The following TREM1 variants were observed in gnomAD, a reference collection of about 807,000 sequenced individuals.
The protein encoded by TREM1 is triggering receptor expressed on myeloid cells 1, also known as triggering receptor expressed on monocytes 1.
A neutral mutation model predicts 22.4 loss-of-function variants in TREM1; 16 were observed. The observed-to-expected ratio is 0.71, with a 90% CI of 0.48 to 1.08. The LOEUF is 1.08. Ranked by LOEUF, TREM1 falls within the 50% of genes least tolerant of loss-of-function variation. The pLI, the probability that TREM1 is intolerant of heterozygous loss-of-function variation, is 0.00. For synonymous variants in TREM1, 110 were observed against 111.6 expected (o/e 0.99, Z 0.09); for missense variants, 283 against 282.9 (o/e 1.00, Z 0.00).
rs1020626040 is a variant in TREM1 at position 41,273,870 on chromosome 6, G to C, written c.*2255C>G. Among the ~76,000 whole-genome samples the C allele has an allele frequency of 8.5e-5, 13 of 152,184 alleles. No homozygotes were observed. The highest frequency in any genetic ancestry group is 1.6e-4 in the Non-Finnish European group (11 of 68,036). On this transcript the variant is annotated 3_prime_UTR_variant, in exon 4 of 4. Transcript: ENST00000244709. Reference sequence around the variant, plus strand: ...TGAGGACAGAAACCCTGATCTGACTGTCTCCCCACCCTCGGCTCTCCTCTC... The same window carrying C: ...TGAGGACAGAAACCCTGATCTGACTCTCTCCCCACCCTCGGCTCTCCTCTC...
At chr6:41,280,477 C>T in intron 3 of TREM1, 1 of 1,012,366 alleles carries the variant, frequency 9.9e-7, no homozygotes, top group Non-Finnish European at 1.2e-6. Flanking sequence ...GCTCCAGCTC[C>T]TGCTGAGAGT....
Position 41,281,157 on chromosome 6 carries a change from CAAG to C in TREM1, c.407-7_407-5del, listed in dbSNP as rs1434951645. The C allele has an allele frequency of 1.2e-6, 2 of 1,612,082 alleles. No individual in the cohort carries two copies. The highest frequency in any genetic ancestry group is 2.7e-5 in the African/African-American group (2 of 74,820). On this transcript the variant is annotated splice_polypyrimidine_tract_variant and splice_region_variant and intron_variant, in intron 2 of 3. Transcript: ENST00000244709. The stretch of plus-strand genomic sequence containing the variant: ...GAGCCAGGGGTCCCTGAAAAACCTG[CAAG>C]AAGACACATTGGATGGATGGATGGA...
rs1581623492 is a variant in TREM1 at position 41,274,516 on chromosome 6, G to A, written c.*1609C>T. Among the ~76,000 whole-genome samples, 2 of 152,082 alleles carry A rather than the reference G, an allele frequency of 1.3e-5. No homozygotes were observed. The highest frequency in any genetic ancestry group is 2.1e-4 in the South Asian group (1 of 4,826). On this transcript the variant is annotated 3_prime_UTR_variant, in exon 4 of 4. Transcript: ENST00000244709. ...AGCATTATTATAAACACTGCATCCT[G>A]TACAGTCACTGCCTCTGAGCTGCTT...
chr6:41,280,434 A>G (rs755747065), intron 3 of TREM1: 9 of 992,902 alleles, frequency 9.1e-6, no homozygotes, highest in Non-Finnish European at 1.1e-5. Context: ...TTAAAAAACA[A>G]TAAGGCAAAA....
At chr6:41,285,524 A>C (rs1369107360) in intron 1 of TREM1, among the ~76,000 whole-genome samples, 2 of 152,200 alleles carry the variant, frequency 1.3e-5, no homozygotes, top group African/African-American at 4.8e-5. Context: ...GGTCCAACAC[A>C]GTCTGATAGG....
At chr6:41,270,446 A>AATATATATATATATATATAT (rs68021402), downstream of TREM1, among the ~76,000 whole-genome samples, 145 of 143,930 alleles carry the variant, frequency 1.0e-3, no homozygotes, top group African/African-American at 3.5e-3. Context: ...GATATTATAT[A>AATATATATATATATATATAT]ATATATATAT....
intron 3 of TREM1, among the ~76,000 whole-genome samples, chr6:41,278,398 G>C (rs1001814911): frequency 5.9e-5 from 9 of 152,096 alleles, no homozygotes; most frequent in African/African-American, 1.9e-4. Context: ...GGCTGGATGT[G>C]GTGGCTCACA....
intron 1 of TREM1, among the ~76,000 whole-genome samples, chr6:41,284,013 A>T (rs970959969): frequency 6.6e-6 from 1 of 151,900 alleles, no homozygotes; most frequent in Non-Finnish European, 1.5e-5. Context: ...AGAGAGAAAA[A>T]AACCCACGTT....
intron 3 of TREM1, among the ~76,000 whole-genome samples, chr6:41,278,579 G>A (rs2113981685): frequency 6.6e-6 from 1 of 151,912 alleles, no homozygotes; most frequent in African/African-American, 2.4e-5. Context: ...AGGCAAAGGT[G>A]GGAGGAGGTT....
chr6:41,267,812 G>A (rs1582132115), downstream of TREM1: 1 of 396,516 alleles, frequency 2.5e-6, no homozygotes, highest in South Asian at 1.4e-4. Context: ...GAAATAAGGA[G>A]TCTGTCAACT....
At chr6:41,280,564 G>A (rs1767862587) in intron 3 of TREM1, 1 of 1,152,062 alleles carries the variant, frequency 8.7e-7, no homozygotes, top group African/African-American at 1.6e-5. Flanking sequence ...AAGCCAGAGA[G>A]GGTTCCTGAC....
chr6:41,282,104 G>T, intron 2 of TREM1: 1 of 342,078 alleles, frequency 2.9e-6, no homozygotes, highest in East Asian at 5.3e-5. Flanking sequence ...GGGGAGTCAG[G>T]ACATGACTTC....
At chr6:41,270,533 G>C (rs1767454259), downstream of TREM1, among the ~76,000 whole-genome samples, 1 of 150,638 alleles carries the variant, frequency 6.6e-6, no homozygotes, top group Admixed American at 6.6e-5. Context: ...TATCCATCAT[G>C]GTTGAAGTTT....
intron 2 of TREM1, chr6:41,281,410 A>G: frequency 2.0e-6 from 1 of 490,434 alleles, no homozygotes; most frequent in Non-Finnish European, 3.6e-6. Flanking sequence ...AAGGGCAGGA[A>G]GTGAGGGAGA....
In TREM1 at chr6:41,274,313, C is replaced by T. The variant is rs1026458170; in HGVS notation, c.*1812G>A. ...GGACTCATAAAGCATTTGCTTTATG[C>T]TCCAGGAGAATCTGATGCGGTGGCC... is the stretch of plus-strand genomic sequence containing the variant. On this transcript the variant is annotated 3_prime_UTR_variant, in exon 4 of 4. Transcript: ENST00000244709. Among the ~76,000 whole-genome samples the T allele has an allele frequency of 6.6e-6, 1 of 152,092 alleles. No individual in the cohort carries two copies. Among genetic ancestry groups the T allele is most frequent in the Non-Finnish European group, 1.5e-5 (1 of 68,024 alleles).
At chr6:41,279,578 A>C (rs1272295391) in intron 3 of TREM1, 8 of 985,314 alleles carry the variant, frequency 8.1e-6, no homozygotes, top group Admixed American at 1.2e-4. Flanking sequence ...TTTAATGAGC[A>C]CTTTGTTCCC....
chr6:41,282,336 C>T, intron 2 of TREM1, 59 bp downstream of exon 2: 1 of 1,361,114 alleles, frequency 7.3e-7, no homozygotes, highest in Non-Finnish European at 1.0e-6. Context: ...GCTGATGCTA[C>T]CACCACTGCC....
chr6:41,278,467 C>T (rs1197914393), intron 3 of TREM1, among the ~76,000 whole-genome samples: 72 of 151,774 alleles, frequency 4.7e-4, no homozygotes, highest in Non-Finnish European at 7.4e-5. Context: ...CCCAAGAATT[C>T]GAGATCAGCC....
chr6:41,279,144 C>T (rs1305489090), intron 3 of TREM1, among the ~76,000 whole-genome samples: 2 of 152,180 alleles, frequency 1.3e-5, no homozygotes, highest in Non-Finnish European at 2.9e-5. Flanking sequence ...GCAGAGACGA[C>T]CATCCCTTTA....
Sources: gnomAD v4.1 joint callset for allele counts (sites outside exome capture counted in the v4.1 genomes callset) on GRCh38, gnomAD v4.1.1 for gene constraint, MANE v1.5 for transcripts, NCBI Gene and HGNC (gene_info 2026-07-23, HGNC 2026-07-21) for gene names.